Variants in NFIL3 observed in about 807,000 individuals in gnomAD.
The protein encoded by NFIL3 is nuclear factor, interleukin 3 regulated.
In NFIL3, 5 loss-of-function variants were observed where a neutral mutation model predicts 10.0. The observed-to-expected ratio is 0.50, with a 90% CI of 0.26 to 1.06. The LOEUF (loss-of-function observed/expected upper bound fraction) is 1.06, where lower values mean the gene tolerates loss of function less well. Among genes scored for constraint, NFIL3 ranks in the 50% least tolerant of loss-of-function variants. NFIL3 has a pLI of 0.13. For synonymous variants in NFIL3, 202 were observed against 206.5 expected (o/e 0.98, Z 0.19); for missense variants, 436 against 547.6 (o/e 0.80, Z 2.03).
At chr9:91,476,692 C>G in the NFIL3 span, among the ~76,000 whole-genome samples, 1 of 152,152 alleles carries the variant, frequency 6.6e-6, no homozygotes. Context: ...CAAAAAATCT[C>G]TGTGATGGTA....
chr9:91,456,554 G>T, the NFIL3 span, among the ~76,000 whole-genome samples: 2 of 151,862 alleles, frequency 1.3e-5, no homozygotes, highest in Admixed American at 6.6e-5. Context: ...TTATTGGATT[G>T]CTTGTTTTCT....
chr9:91,430,840 C>T, the NFIL3 span, among the ~76,000 whole-genome samples: 2 of 152,124 alleles, frequency 1.3e-5, no homozygotes, highest in Non-Finnish European at 2.9e-5. Context: ...GAGGCAGGAT[C>T]TCACTATGTT....
chr9:91,480,586 GA>G, the NFIL3 span, among the ~76,000 whole-genome samples: 6 of 152,032 alleles, frequency 3.9e-5, no homozygotes, highest in East Asian at 1.2e-3. Context: ...AAAGACCTTA[GA>G]AAACACTAAA....
chr9:91,476,036 G>A, the NFIL3 span, among the ~76,000 whole-genome samples: 1 of 152,206 alleles, frequency 6.6e-6, no homozygotes, highest in African/African-American at 2.4e-5. Context: ...ATGAATGACT[G>A]CTCCATAAGG....
At chr9:91,424,058 G>C (rs1255479886), upstream of NFIL3, among the ~76,000 whole-genome samples, 3 of 149,134 alleles carry the variant, frequency 2.0e-5, no homozygotes, top group African/African-American at 4.9e-5. Flanking sequence ...TCCCCGGCCA[G>C]GGCCACCGCC....
the NFIL3 span, among the ~76,000 whole-genome samples, chr9:91,443,154 T>A: frequency 6.6e-6 from 1 of 152,144 alleles, no homozygotes; most frequent in Non-Finnish European, 1.5e-5. Context: ...AGGCAGGTCA[T>A]CCTGATGTCT....
In NFIL3 at chr9:91,410,342, G is replaced by A. The variant is rs1833522398; in HGVS notation, c.393C>T (p.Ser131=). The A allele has an allele frequency of 1.9e-6, 3 of 1,614,132 alleles. No homozygotes were observed. In the East Asian group the frequency reaches 6.7e-5, roughly 36 times the overall value. The change falls in exon 2 of 2, where the codon TCC becomes TCT. Residue 131 remains serine (S), a synonymous_variant. Coordinates refer to ENST00000297689, the MANE Select transcript of NFIL3 (RefSeq NM_005384.3). The surrounding 1 kb of genome is among the most constrained non-coding windows in gnomAD (Gnocchi z 5.7). ...TCTGAATCTCTTGAGCATATGCTGTGGAGCTAATTAAACCAAACTTTAATT... is the reference window on the plus strand; with the variant it reads ...TCTGAATCTCTTGAGCATATGCTGTAGAGCTAATTAAACCAAACTTTAATT... ...SLKLKFGLIS[S]TAYAQEIQKL...
chr9:91,483,096 C>T, the NFIL3 span, among the ~76,000 whole-genome samples: 1 of 152,170 alleles, frequency 6.6e-6, no homozygotes, highest in Non-Finnish European at 1.5e-5. Flanking sequence ...ACAGTCTGCA[C>T]CTGTTGAGTT....
the NFIL3 span, among the ~76,000 whole-genome samples, chr9:91,452,656 G>A: frequency 1.2e-4 from 18 of 151,684 alleles, no homozygotes; most frequent in East Asian, 1.9e-4. Context: ...GTGTGGTGGC[G>A]TACACCTGTA....
the NFIL3 span, among the ~76,000 whole-genome samples, chr9:91,438,245 G>A: frequency 6.6e-6 from 1 of 152,066 alleles, no homozygotes. Context: ...TTTGACTCGT[G>A]TTTCCTGATG....
chr9:91,458,177 TTCTC>T, the NFIL3 span, among the ~76,000 whole-genome samples: 6 of 152,124 alleles, frequency 3.9e-5, no homozygotes, highest in Non-Finnish European at 7.4e-5. Flanking sequence ...TTTGGAACTG[TTCTC>T]TCTAATTTTC....
the NFIL3 span, among the ~76,000 whole-genome samples, chr9:91,436,638 A>C: frequency 1.3e-5 from 2 of 151,998 alleles, no homozygotes; most frequent in African/African-American, 4.8e-5. Flanking sequence ...GAAGGTGGGG[A>C]GCTAAGGAGG....
At chr9:91,449,238 A>G in the NFIL3 span, among the ~76,000 whole-genome samples, 6 of 152,214 alleles carry the variant, frequency 3.9e-5, no homozygotes, top group African/African-American at 1.2e-4. Context: ...TAACTATACA[A>G]TGTTGCACAG....
chr9:91,446,665 T>A, the NFIL3 span, among the ~76,000 whole-genome samples: 1 of 152,184 alleles, frequency 6.6e-6, no homozygotes, highest in African/African-American at 2.4e-5. Flanking sequence ...TCTGTCTCCA[T>A]ACATTTGACC....
chr9:91,472,267 G>A, the NFIL3 span, among the ~76,000 whole-genome samples: 2 of 152,334 alleles, frequency 1.3e-5, no homozygotes, highest in South Asian at 4.1e-4. Flanking sequence ...CTAGGTTGGG[G>A]AAGTTCTCCT....
the NFIL3 span, among the ~76,000 whole-genome samples, chr9:91,467,906 T>C: frequency 2.0e-5 from 3 of 152,356 alleles, no homozygotes; most frequent in South Asian, 6.2e-4. Flanking sequence ...ATGGTGTTTA[T>C]GTGCCACATT....
the NFIL3 span, among the ~76,000 whole-genome samples, chr9:91,461,410 A>C: frequency 6.6e-6 from 1 of 152,224 alleles, no homozygotes; most frequent in East Asian, 1.9e-4. Context: ...TGATAACTAA[A>C]AACCAAAAGG....
At chr9:91,451,573 C>A in the NFIL3 span, among the ~76,000 whole-genome samples, 1 of 152,174 alleles carries the variant, frequency 6.6e-6, no homozygotes, top group Admixed American at 6.5e-5. Flanking sequence ...AGATCCTGAT[C>A]ACTCTTTATC....
the NFIL3 span, among the ~76,000 whole-genome samples, chr9:91,432,995 TTAAG>T: frequency 6.6e-6 from 1 of 152,200 alleles, no homozygotes; most frequent in Non-Finnish European, 1.5e-5. Context: ...TCCTTCCTAT[TTAAG>T]TAGGAAAATA....
Sources: allele counts gnomAD v4.1 joint callset (sites outside exome capture counted in the v4.1 genomes callset), GRCh38; gene constraint gnomAD v4.1.1; non-coding constraint Gnocchi (gnomAD v3.1); transcripts MANE v1.5; gene names NCBI Gene and HGNC (gene_info 2026-07-23, HGNC 2026-07-21).